NBAS: variants seen among roughly 807,000 people sequenced by gnomAD.
The protein encoded by NBAS is NBAS subunit of NRZ tethering complex, also known as NAG/BC035112 fusion.
Under a neutral mutation model 302.5 loss-of-function variants are expected in NBAS, and 219 were observed. The ratio of observed to expected loss-of-function variants is 0.72; its 90% CI spans 0.65 to 0.81. NBAS has a LOEUF of 0.81. Among genes scored for constraint, NBAS ranks in the 30% least tolerant of loss-of-function variants. The probability of loss-of-function intolerance (pLI) is 0.00; values close to 1 mark genes in which losing one functional copy is unlikely to be tolerated. For synonymous variants in NBAS, 1,118 were observed against 1,021.6 expected (o/e 1.09, Z -1.80); for missense variants, 2,932 against 2,841.6 (o/e 1.03, Z -0.72).
At chr2:15,234,208 G>A (rs1312873328) in intron 46 of NBAS, among the ~76,000 whole-genome samples, 1 of 152,186 alleles carries the variant, frequency 6.6e-6, no homozygotes, top group East Asian at 1.9e-4. Flanking sequence ...GAAATGGTAA[G>A]ATCTGAAAAA....
intron 47 of NBAS, among the ~76,000 whole-genome samples, chr2:15,231,051 CTATGGCT>C (rs1667361966): frequency 6.6e-6 from 1 of 152,210 alleles, no homozygotes; most frequent in Non-Finnish European, 1.5e-5. Flanking sequence ...AGCACAGTGA[CTATGGCT>C]ACAGGCCAGA....
chr2:15,094,294 A>G, the NBAS span, among the ~76,000 whole-genome samples: 2 of 152,344 alleles, frequency 1.3e-5, no homozygotes, highest in East Asian at 3.9e-4. Context: ...TCTGCCTCAT[A>G]ATGAGAAGTC....
intron 47 of NBAS, among the ~76,000 whole-genome samples, chr2:15,226,021 C>A (rs886326220): frequency 1.3e-5 from 2 of 152,188 alleles, no homozygotes; most frequent in Non-Finnish European, 2.9e-5. Context: ...CCTACTCTAT[C>A]AAAATCTGTA....
the NBAS span, among the ~76,000 whole-genome samples, chr2:15,063,349 G>T: frequency 6.6e-6 from 1 of 151,878 alleles, no homozygotes; most frequent in Non-Finnish European, 1.5e-5. Context: ...CCTTCCTTAA[G>T]CTCTGTAGCT....
intron 32 of NBAS, among the ~76,000 whole-genome samples, chr2:15,359,040 G>C (rs1338125270): frequency 1.3e-5 from 2 of 152,146 alleles, no homozygotes; most frequent in East Asian, 3.8e-4. Context: ...TCCTCCACAG[G>C]AGTTTCCTGA....
At chr2:14,856,777 G>A in the NBAS span, among the ~76,000 whole-genome samples, 1 of 151,950 alleles carries the variant, frequency 6.6e-6, no homozygotes, top group Non-Finnish European at 1.5e-5. Context: ...AAAAACAAAA[G>A]CAATGAAACA....
chr2:15,097,233 G>T, the NBAS span, among the ~76,000 whole-genome samples: 4 of 152,132 alleles, frequency 2.6e-5, no homozygotes, highest in Non-Finnish European at 5.9e-5. Flanking sequence ...AATGCCCTCA[G>T]TCATAAGAAC....
At chr2:15,206,286 A>G (rs1170118426) in intron 48 of NBAS, among the ~76,000 whole-genome samples, 1 of 152,200 alleles carries the variant, frequency 6.6e-6, no homozygotes, top group African/African-American at 2.4e-5. Context: ...ACAAGCAGTA[A>G]GTGTCCAAGA....
intron 44 of NBAS, among the ~76,000 whole-genome samples, chr2:15,251,603 G>C (rs1249226332): frequency 1.3e-5 from 2 of 152,136 alleles, no homozygotes; most frequent in African/African-American, 2.4e-5. Context: ...TGCTAAATTA[G>C]GGGTGTATTA....
intron 10 of NBAS, among the ~76,000 whole-genome samples, chr2:15,508,318 T>C (rs1209168859): frequency 6.6e-6 from 1 of 152,138 alleles, no homozygotes; most frequent in Non-Finnish European, 1.5e-5. Flanking sequence ...ATTCCAATAC[T>C]TCAGTAAGGT....
chr2:15,401,199 A>G (rs1316997600), intron 26 of NBAS, among the ~76,000 whole-genome samples: 2 of 152,072 alleles, frequency 1.3e-5, no homozygotes, highest in African/African-American at 4.8e-5. Flanking sequence ...TTTATCATCA[A>G]TCTTTCACCT....
rs550986350 is a variant in NBAS at position 15,186,780 on chromosome 2, G to A, written c.6673C>T (p.Arg2225Cys). Residue 2225 changes from arginine to cysteine, a missense_variant, in exon 50 of 52, where the codon CGC becomes TGC. Arg to Cys is a radical substitution (Grantham distance 180). Coordinates refer to ENST00000281513, the MANE Select transcript of NBAS (RefSeq NM_015909.4). ...GLGNEVLKMC[R>C]SLYNTKQMLP... ...ATCTGCTTGGTGTTATACAAAGAGC[G>A]ACACATTTTCAAAACTTCATTCCCC... 10 of 1,613,700 alleles carry A rather than the reference G, an allele frequency of 6.2e-6. No individual in the cohort carries two copies. Among genetic ancestry groups the A allele is most frequent in the African/African-American group, 1.3e-5 (1 of 74,936 alleles).
chr2:15,511,479 A>C (rs1662143268), intron 9 of NBAS, 129 bp from the exon 10 acceptor site: 1 of 806,936 alleles, frequency 1.2e-6, no homozygotes, highest in African/African-American at 1.7e-5. Flanking sequence ...TAAACCTAGA[A>C]GGTAAATATT....
At chr2:15,155,355 C>G in the NBAS span, among the ~76,000 whole-genome samples, 1 of 152,070 alleles carries the variant, frequency 6.6e-6, no homozygotes, top group Non-Finnish European at 1.5e-5. Context: ...TTATTTTTTT[C>G]AAGAGAGTGG....
intron 32 of NBAS, among the ~76,000 whole-genome samples, chr2:15,361,796 TGGA>T (rs1673940537): frequency 6.6e-6 from 1 of 150,886 alleles, no homozygotes; most frequent in South Asian, 2.1e-4. Context: ...CTGACCAACA[TGGA>T]GAAACCCCAT....
At position 15,411,721 on chromosome 2, in the gene NBAS, G is replaced by A. The variant is rs149658093; in HGVS notation, c.2937+3825C>T. Among the ~76,000 whole-genome samples the A allele has an allele frequency of 1.5e-3, 228 of 152,202 alleles. 3 individuals carry two copies. The highest frequency in any genetic ancestry group is 5.0e-3 in the African/African-American group (209 of 41,528). ...GTGGACATTTAAAGCAGTTGTTCCCGGTTTTCCATCAAAATCACCGAATAA... is the reference window on the plus strand; with the variant it reads ...GTGGACATTTAAAGCAGTTGTTCCCAGTTTTCCATCAAAATCACCGAATAA... On this transcript the variant is annotated intron_variant, in intron 25 of 51. Transcript: ENST00000281513.
the NBAS span, among the ~76,000 whole-genome samples, chr2:15,093,016 T>C: frequency 6.6e-6 from 1 of 152,216 alleles, no homozygotes; most frequent in Non-Finnish European, 1.5e-5. Flanking sequence ...CTGCAGGGTG[T>C]CTGTCCCTGG....
the NBAS span, among the ~76,000 whole-genome samples, chr2:14,779,915 T>C: frequency 1.3e-5 from 2 of 152,228 alleles, no homozygotes; most frequent in Non-Finnish European, 2.9e-5. Flanking sequence ...TTGTTTGTTA[T>C]TACATATATA....
At chr2:15,064,350 C>A in the NBAS span, among the ~76,000 whole-genome samples, 1 of 141,504 alleles carries the variant, frequency 7.1e-6, no homozygotes. Flanking sequence ...ACAACTAATA[C>A]AACTAAAATA....
Sources: allele counts gnomAD v4.1 joint callset (sites outside exome capture counted in the v4.1 genomes callset), GRCh38; gene constraint gnomAD v4.1.1; transcripts MANE v1.5; gene names NCBI Gene and HGNC (gene_info 2026-07-23, HGNC 2026-07-21).